Variants in CNTN4 observed in about 807,000 individuals in gnomAD.
CNTN4 encodes contactin 4, also known as contactin-4.
A neutral mutation model predicts 122.5 loss-of-function variants in CNTN4; 77 were observed. That is an observed-to-expected ratio of 0.63 (90% CI 0.52 to 0.76). CNTN4 has a LOEUF of 0.76. CNTN4 is among the 30% of genes least tolerant of loss of function. The pLI is 0.00. For synonymous variants in CNTN4, 512 were observed against 447.0 expected (o/e 1.15, Z -1.83); for missense variants, 1,256 against 1,259.1 (o/e 1.00, Z 0.04).
chr3:3,026,714 T>C (rs1698753784), intron 15 of CNTN4, among the ~76,000 whole-genome samples: 1 of 152,208 alleles, frequency 6.6e-6, no homozygotes, highest in South Asian at 2.1e-4. Context: ...TTTGACCTTG[T>C]AGAAGGCACG....
intron 4 of CNTN4, among the ~76,000 whole-genome samples, chr3:2,707,947 TATA>T (rs1439723667): frequency 6.6e-6 from 1 of 152,234 alleles, no homozygotes; most frequent in African/African-American, 2.4e-5. Flanking sequence ...TCCAATAAAT[TATA>T]ATATGTTACT....
At chr3:2,960,235 T>G (rs922623662) in intron 13 of CNTN4, among the ~76,000 whole-genome samples, 1 of 152,208 alleles carries the variant, frequency 6.6e-6, no homozygotes, top group Non-Finnish European at 1.5e-5. Flanking sequence ...AGTTGTCACT[T>G]TGGTTCATGT....
At chr3:2,791,532 CA>C (rs11425573) in intron 6 of CNTN4, among the ~76,000 whole-genome samples, 25,582 of 142,880 alleles carry the variant, frequency 0.18, 2,361 homozygotes, top group East Asian at 0.4. Context: ...GATCCTGTCT[CA>C]AAAAAAAAAA....
chr3:2,467,587 A>G (rs953461679), intron 3 of CNTN4, among the ~76,000 whole-genome samples: 2 of 152,220 alleles, frequency 1.3e-5, no homozygotes, highest in Non-Finnish European at 2.9e-5. Context: ...TGCGAATAGT[A>G]ATATCTGCCT....
At chr3:2,695,234 G>A (rs575751038) in intron 4 of CNTN4, among the ~76,000 whole-genome samples, 1 of 152,094 alleles carries the variant, frequency 6.6e-6, no homozygotes, top group Non-Finnish European at 1.5e-5. Flanking sequence ...GTGAATGGAA[G>A]CCTTCTGATT....
chr3:2,608,871 C>G (rs2081366469), intron 4 of CNTN4, among the ~76,000 whole-genome samples: 1 of 152,204 alleles, frequency 6.6e-6, no homozygotes, highest in Non-Finnish European at 1.5e-5. Context: ...TTCTTCTTTT[C>G]TTCCACTACT....
intron 6 of CNTN4, among the ~76,000 whole-genome samples, chr3:2,748,417 C>CT (rs66600521): frequency 2.0e-5 from 3 of 151,856 alleles, no homozygotes; most frequent in Non-Finnish European, 4.4e-5. Context: ...TGCTTTAAGT[C>CT]TTTTTTTTCA....
chr3:2,557,145 C>G (rs2078753721), intron 3 of CNTN4, among the ~76,000 whole-genome samples: 1 of 152,098 alleles, frequency 6.6e-6, no homozygotes, highest in South Asian at 2.1e-4. Context: ...GCAGATGATT[C>G]AACTATTTCT....
At chr3:2,137,410 T>C (rs908891520) in intron 2 of CNTN4, among the ~76,000 whole-genome samples, 54 of 152,160 alleles carry the variant, frequency 3.5e-4, no homozygotes, top group Admixed American at 3.5e-3. Context: ...AAACCACTTA[T>C]TCTGTTTCTT....
Position 2,916,509 on chromosome 3 carries a change from G to A in CNTN4, c.1208-9120G>A, listed in dbSNP as rs565280188. Among the ~76,000 whole-genome samples the A allele has an allele frequency of 2.7e-4, 40 of 147,310 alleles. No individual in the cohort carries two copies. In the East Asian group the frequency reaches 3.1e-3, roughly 11 times the overall value. On this transcript the variant is annotated intron_variant, in intron 12 of 24. Coordinates refer to ENST00000418658, the MANE Select transcript of CNTN4 (RefSeq NM_175607.3). ...ACACAACACATGTTTCAGAGAGCAC[G>A]GGGTTGGGGGTAAGGCCATAGATTA...
intron 7 of CNTN4, among the ~76,000 whole-genome samples, chr3:2,827,534 G>A (rs981895415): frequency 2.0e-5 from 3 of 152,164 alleles, no homozygotes; most frequent in South Asian, 2.1e-4. Context: ...CAACTTTTAT[G>A]TAGGCAGATA....
chr3:2,126,369 C>G (rs1354923439), intron 2 of CNTN4, among the ~76,000 whole-genome samples: 1 of 152,086 alleles, frequency 6.6e-6, no homozygotes, highest in Non-Finnish European at 1.5e-5. Context: ...GATTAAAATG[C>G]TTAGTAAATA....
chr3:2,919,342 ACT>A (rs1366408822), intron 12 of CNTN4, among the ~76,000 whole-genome samples: 11 of 128,732 alleles, frequency 8.5e-5, no homozygotes, highest in African/African-American at 3.3e-4. Context: ...ACAGAGCAAG[ACT>A]CTGTCTCAGA....
At chr3:2,113,276 C>T (rs545133315) in intron 2 of CNTN4, among the ~76,000 whole-genome samples, 11 of 152,202 alleles carry the variant, frequency 7.2e-5, no homozygotes, top group African/African-American at 2.6e-4. Flanking sequence ...ATGTATGCTG[C>T]ATTTCATTGA....
intron 4 of CNTN4, among the ~76,000 whole-genome samples, chr3:2,693,259 G>A (rs568474011): frequency 5.3e-5 from 8 of 152,230 alleles, no homozygotes; most frequent in African/African-American, 1.9e-4. Flanking sequence ...GATTTGACCA[G>A]TGCATATTTC....
intron 2 of CNTN4, among the ~76,000 whole-genome samples, chr3:2,205,534 A>C (rs1026902895): frequency 2.0e-5 from 3 of 152,040 alleles, no homozygotes; most frequent in African/African-American, 7.2e-5. Flanking sequence ...TTGGGCCTCA[A>C]ATAAAACCTG....
chr3:2,813,008 C>T (rs1001485814), intron 6 of CNTN4, among the ~76,000 whole-genome samples: 1 of 152,068 alleles, frequency 6.6e-6, no homozygotes, highest in Non-Finnish European at 1.5e-5. Flanking sequence ...GAAAGAATGT[C>T]AAAAATACGA....
intron 7 of CNTN4, among the ~76,000 whole-genome samples, chr3:2,831,371 T>A (rs1203126986): frequency 6.6e-6 from 1 of 152,226 alleles, no homozygotes; most frequent in Non-Finnish European, 1.5e-5. Flanking sequence ...TTTGCAGATA[T>A]ATAGAATAAA....
intron 3 of CNTN4, among the ~76,000 whole-genome samples, chr3:2,489,381 G>A (rs975723029): frequency 6.6e-6 from 1 of 152,144 alleles, no homozygotes; most frequent in African/African-American, 2.4e-5. Flanking sequence ...AATGAAACTG[G>A]AGAAAGGCTG....
Sources: allele counts gnomAD v4.1 joint callset (sites outside exome capture counted in the v4.1 genomes callset), GRCh38; gene constraint gnomAD v4.1.1; transcripts MANE v1.5; gene names NCBI Gene and HGNC (gene_info 2026-07-23, HGNC 2026-07-21).